The following TBK1 variants were observed in gnomAD, a reference collection of about 807,000 sequenced individuals.
TBK1 encodes TANK binding kinase 1.
TBK1 carries 37 observed loss-of-function variants against 99.9 expected under a neutral mutation model. The observed-to-expected ratio is 0.37, with a 90% CI of 0.28 to 0.49. The LOEUF (loss-of-function observed/expected upper bound fraction) is 0.49, where lower values mean the gene tolerates loss of function less well. TBK1 is among the 20% of genes least tolerant of loss of function. The pLI is 0.98. For missense variants in TBK1, 644 were observed against 872.5 expected (o/e 0.74, Z 3.30); for synonymous variants, 258 against 279.8 (o/e 0.92, Z 0.78).
rs1181595833 is a variant in TBK1 at position 64,496,942 on chromosome 12, A to C, written c.1761-7A>C. 3 of 1,603,240 alleles carry C rather than the reference A, an allele frequency of 1.9e-6. No individual in the cohort carries two copies. The Admixed American group carries it at 5.1e-5, about 27-fold the overall frequency. ...GGTTTAAGCCTCTGATTATTTCTAA[A>C]TTACAGGCAAAAACTGTATTACCAT... On this transcript the variant is annotated splice_region_variant and splice_polypyrimidine_tract_variant and intron_variant, in intron 16 of 20. Coordinates refer to ENST00000331710, the MANE Select transcript of TBK1 (RefSeq NM_013254.4).
intron 3 of TBK1, among the ~76,000 whole-genome samples, chr12:64,462,140 A>G (rs990966789): frequency 2.0e-5 from 3 of 152,146 alleles, no homozygotes; most frequent in Non-Finnish European, 4.4e-5. Context: ...ATCCTAAATC[A>G]TGCTGTGAGA....
intron 6 of TBK1, among the ~76,000 whole-genome samples, chr12:64,475,083 A>C (rs2040698128): frequency 6.6e-6 from 1 of 152,230 alleles, no homozygotes; most frequent in Admixed American, 6.5e-5. Flanking sequence ...GCGCCACGGC[A>C]CTCCAGCCTG....
chr12:64,452,348 C>G (rs375840576), intron 1 of TBK1, 161 bp downstream of exon 1: 36 of 152,588 alleles, frequency 2.4e-4, no homozygotes, highest in Middle Eastern at 3.4e-3. Context: ...CCGGACGACC[C>G]GAGGCCAAGC....
chr12:64,470,090 G>A (rs770514391), intron 5 of TBK1, among the ~76,000 whole-genome samples: 2 of 152,158 alleles, frequency 1.3e-5, no homozygotes, highest in Non-Finnish European at 2.9e-5. Context: ...AGTTTTACTG[G>A]AATTTAGTGA....
At chr12:64,480,512 A>G (rs988529137) in intron 7 of TBK1, among the ~76,000 whole-genome samples, 2 of 152,334 alleles carry the variant, frequency 1.3e-5, no homozygotes, top group Admixed American at 6.5e-5. Flanking sequence ...CAAACAATGA[A>G]GAGATTTAGT....
In TBK1 at chr12:64,488,983, T is replaced by G. The variant is rs572886068; in HGVS notation, c.1442+395T>G. Among the ~76,000 whole-genome samples the G allele has an allele frequency of 1.9e-3, 284 of 152,276 alleles. 1 individual carries two copies. The highest frequency in any genetic ancestry group is 3.2e-3 in the Non-Finnish European group (219 of 68,020). On this transcript the variant is annotated intron_variant, in intron 12 of 20. Coordinates refer to ENST00000331710, the MANE Select transcript of TBK1 (RefSeq NM_013254.4). Reference sequence around the variant, plus strand: ...CTCCAGCCTGGTGACAGAGTGAGACTCCATCTCAAAAAACAAAATAAAATA... The same window carrying G: ...CTCCAGCCTGGTGACAGAGTGAGACGCCATCTCAAAAAACAAAATAAAATA...
intron 15 of TBK1, 45 bp from the exon 16 acceptor site, chr12:64,496,319 ATAT>A (rs1210309119): frequency 1.1e-6 from 1 of 926,686 alleles, no homozygotes; most frequent in African/African-American, 1.7e-5. Context: ...ATTGTGTATA[ATAT>A]TATGATTCTA....
intron 16 of TBK1, among the ~76,000 whole-genome samples, chr12:64,496,721 A>G (rs973230273): frequency 3.3e-5 from 5 of 152,178 alleles, no homozygotes; most frequent in African/African-American, 1.2e-4. Context: ...TACCGTCTTA[A>G]TTTTAACCGC....
chr12:64,462,015 T>C (rs1387987943), intron 3 of TBK1, among the ~76,000 whole-genome samples: 2 of 152,184 alleles, frequency 1.3e-5, no homozygotes, highest in African/African-American at 4.8e-5. Flanking sequence ...ACCCAAGCCT[T>C]TGGTGTCCAG....
chr12:64,457,264 T>C (rs760538493), intron 2 of TBK1, among the ~76,000 whole-genome samples: 60 of 152,150 alleles, frequency 3.9e-4, no homozygotes, highest in Non-Finnish European at 1.8e-4. Flanking sequence ...TTATGGCTCA[T>C]AGAGAATGAA....
At chr12:64,498,130 C>G in intron 20 of TBK1, 91 bp downstream of exon 20, 1 of 1,110,416 alleles carries the variant, frequency 9.0e-7, no homozygotes, top group Non-Finnish European at 1.3e-6. Context: ...ATAGATTCAG[C>G]AGTGGTAAAG....
intron 6 of TBK1, among the ~76,000 whole-genome samples, chr12:64,478,358 C>T (rs190379308): frequency 6.6e-6 from 1 of 152,162 alleles, no homozygotes; most frequent in Admixed American, 6.5e-5. Context: ...CCACGTTGCC[C>T]AGGCTGGTCT....
At chr12:64,498,453 C>T (rs567466593) in intron 20 of TBK1, among the ~76,000 whole-genome samples, 40 of 152,296 alleles carry the variant, frequency 2.6e-4, no homozygotes, top group South Asian at 1.7e-3. Flanking sequence ...AGTTAGGTGT[C>T]TGCTTATTAT....
At chr12:64,474,020 T>C (rs757928382) in intron 5 of TBK1, among the ~76,000 whole-genome samples, 4 of 152,124 alleles carry the variant, frequency 2.6e-5, no homozygotes, top group Non-Finnish European at 5.9e-5. Flanking sequence ...CCACATTAAA[T>C]TATGAAGCAG....
chr12:64,487,525 T>C (rs2040831372), intron 11 of TBK1, among the ~76,000 whole-genome samples: 1 of 152,196 alleles, frequency 6.6e-6, no homozygotes, highest in Non-Finnish European at 1.5e-5. Flanking sequence ...CTGTTTCCAC[T>C]AAGAAGCTTC....
Position 64,496,393 on chromosome 12 carries a change from C to A in TBK1, c.1747C>A (p.His583Asn). Residue 583 changes from histidine (H) to asparagine (N), a missense_variant, in exon 16 of 21, where the codon CAC becomes AAC. Coordinates refer to ENST00000331710, the MANE Select transcript of TBK1 (RefSeq NM_013254.4). Reference protein sequence around the residue: ...RRLAYNEEQIHKFDKQKLYYH... With the variant: ...RRLAYNEEQINKFDKQKLYYH... ...ATTAGCTTATAATGAAGAACAAATC[C>A]ACAAATTTGATAAGTAAGTATCCAG... 1.6e-6 allele frequency: 2 copies of A among 1,252,930 alleles called. No homozygotes were observed. The highest frequency in any genetic ancestry group is 1.5e-5 in the African/African-American group (1 of 65,004). 77.6% of individuals were successfully genotyped at this position (1,252,930 alleles called of 1,614,324 possible). A position where few individuals can be genotyped will look rare whatever the true frequency, so the allele number is the denominator to read the frequency against.
rs375018628 is a variant in TBK1, at chr12:64,478,508, A to G, written c.702-1504A>G. 3.0e-4 allele frequency among the ~76,000 whole-genome samples: 45 copies of G among 152,368 alleles called. No homozygotes were observed. In the East Asian group the frequency reaches 6.7e-3, roughly 23 times the overall value. On this transcript the variant is annotated intron_variant, in intron 6 of 20. Coordinates refer to ENST00000331710, the MANE Select transcript of TBK1 (RefSeq NM_013254.4). ...TTAAAGTAATAATCACAACTGTAAAAAGACAATTATCTAATCTCTTCTCAA... is the reference window on the plus strand; with the variant it reads ...TTAAAGTAATAATCACAACTGTAAAGAGACAATTATCTAATCTCTTCTCAA...
chr12:64,454,802 G>C lies in TBK1; in HGVS notation c.-31-1038G>C, dbSNP rs190888490. On this transcript the variant is annotated intron_variant, in intron 1 of 20. Coordinates refer to ENST00000331710, the MANE Select transcript of TBK1 (RefSeq NM_013254.4). ...CGCCATTCTCCTGCGTCAGCCTCCC[G>C]AGTAGCTGGGTCTACAGGCGCCCGC... Among the ~76,000 whole-genome samples, 4 of 145,880 alleles carry C rather than the reference G, an allele frequency of 2.7e-5. No individual in the cohort carries two copies. The East Asian group carries it at 6.4e-4, about 23-fold the overall frequency.
At chr12:64,483,360 G>A (rs1224164561) in intron 8 of TBK1, among the ~76,000 whole-genome samples, 1 of 152,132 alleles carries the variant, frequency 6.6e-6, no homozygotes. Context: ...TTACAATATT[G>A]CTGCTGAAAC....
Sources: gnomAD v4.1 joint callset for allele counts (sites outside exome capture counted in the v4.1 genomes callset) on GRCh38, gnomAD v4.1.1 for gene constraint, MANE v1.5 for transcripts, NCBI Gene and HGNC (gene_info 2026-07-23, HGNC 2026-07-21) for gene names.